The following ZNF782 variants were observed in gnomAD, a reference collection of about 807,000 sequenced individuals.
The protein encoded by ZNF782 is zinc finger protein 782.
Under a neutral mutation model 13.0 loss-of-function variants are expected in ZNF782, and 12 were observed. That is an observed-to-expected ratio of 0.92 (90% CI 0.59 to 1.50). ZNF782 has a LOEUF of 1.50. Ranked by LOEUF, ZNF782 falls within the 40% of genes most tolerant of loss-of-function variation. The probability of loss-of-function intolerance (pLI) is 0.00; values close to 1 mark genes in which losing one functional copy is unlikely to be tolerated. For synonymous variants in ZNF782, 284 were observed against 283.0 expected (o/e 1.00, Z -0.04); for missense variants, 770 against 822.9 (o/e 0.94, Z 0.79).
chr9:96,861,001 C>T (rs565909126), intron 2 of ZNF782, among the ~76,000 whole-genome samples: 17 of 152,264 alleles, frequency 1.1e-4, no homozygotes, highest in African/African-American at 4.1e-4. Context: ...AATCCCAGCA[C>T]TTTGGGAGGC....
intron 1 of ZNF782, among the ~76,000 whole-genome samples, chr9:96,866,464 G>T (rs1250198526): frequency 6.6e-6 from 1 of 152,226 alleles, no homozygotes; most frequent in African/African-American, 2.4e-5. Context: ...GATTTCAGAA[G>T]ATGTATGGAA....
upstream of ZNF782, among the ~76,000 whole-genome samples, chr9:96,876,932 G>A (rs1304710988): frequency 3.9e-5 from 4 of 101,960 alleles, no homozygotes. Flanking sequence ...CTTGAACTCG[G>A]AACTCCGACT....
chr9:96,911,706 G>A, the ZNF782 span, among the ~76,000 whole-genome samples: 1 of 151,116 alleles, frequency 6.6e-6, no homozygotes. Flanking sequence ...ATTTTTAGTA[G>A]AGACGGGGTT....
upstream of ZNF782, among the ~76,000 whole-genome samples, chr9:96,879,324 T>TA (rs35770021): frequency 0.028 from 4,322 of 152,042 alleles, 224 homozygotes; most frequent in African/African-American, 0.099. Context: ...CTGTCTCCAC[T>TA]AAAAAAACAA....
intron 3 of ZNF782, among the ~76,000 whole-genome samples, chr9:96,848,376 TGCTG>T (rs1462996710): frequency 5.3e-5 from 8 of 152,174 alleles, no homozygotes. Context: ...GTCAAACTAC[TGCTG>T]TTTGTAGATG....
At chr9:96,863,925 T>A (rs1211821129) in intron 1 of ZNF782, among the ~76,000 whole-genome samples, 4 of 151,970 alleles carry the variant, frequency 2.6e-5, no homozygotes. Context: ...ACTGCTCAGG[T>A]GGTAGGTGCA....
chr9:96,832,322 T>C (rs1039719496), intron 4 of ZNF782, among the ~76,000 whole-genome samples: 3 of 152,180 alleles, frequency 2.0e-5, no homozygotes, highest in African/African-American at 4.8e-5. Context: ...TCTATATACA[T>C]TGAGAAGCAC....
chr9:96,885,487 G>A, the ZNF782 span, among the ~76,000 whole-genome samples: 3 of 152,134 alleles, frequency 2.0e-5, no homozygotes, highest in Non-Finnish European at 4.4e-5. Flanking sequence ...ATTACAGCAT[G>A]TCAGGGATCT....
intron 4 of ZNF782, among the ~76,000 whole-genome samples, chr9:96,839,166 G>GT (rs1357269650): frequency 1.3e-5 from 2 of 151,074 alleles, no homozygotes; most frequent in Admixed American, 6.6e-5. Context: ...GAGAGCTGCA[G>GT]TTTTTTTCCA....
chr9:96,925,350 GAGT>G, the ZNF782 span, among the ~76,000 whole-genome samples: 2 of 151,880 alleles, frequency 1.3e-5, no homozygotes, highest in Non-Finnish European at 2.9e-5. Context: ...AGAAACGAGA[GAGT>G]CTGACCGGGC....
At chr9:96,864,100 T>C (rs993957518) in intron 1 of ZNF782, among the ~76,000 whole-genome samples, 6 of 148,800 alleles carry the variant, frequency 4.0e-5, no homozygotes, top group Non-Finnish European at 7.4e-5. Context: ...TTTGTTTATA[T>C]ATAAATATAT....
chr9:96,920,571 C>T, the ZNF782 span, among the ~76,000 whole-genome samples: 1 of 148,684 alleles, frequency 6.7e-6, no homozygotes, highest in Non-Finnish European at 1.5e-5. Flanking sequence ...CAGCCCAAAA[C>T]CATTTTTAAA....
At chr9:96,909,672 T>C in the ZNF782 span, among the ~76,000 whole-genome samples, 2 of 151,950 alleles carry the variant, frequency 1.3e-5, no homozygotes, top group African/African-American at 4.8e-5. Flanking sequence ...GAGAAAAGTT[T>C]ATACTGACTA....
rs777348972 is a variant in ZNF782, at chr9:96,818,769, T to G, written c.1254A>C (p.Gly418=). 12 of 1,612,922 alleles carry G rather than the reference T, an allele frequency of 7.4e-6. No homozygotes were observed. In the South Asian group the frequency reaches 1.3e-4, roughly 18 times the overall value. The change falls in exon 6 of 6, where the codon GGA becomes GGC. Residue 418 remains glycine, a synonymous_variant. Transcript: ENST00000481138. ...RLRKHQRTHT[G]EKPYKCDGCD... ...ATCCATCACATTTGTATGGTTTCTC[T>G]CCCGTGTGAGTTCTCTGATGTTTTC... is the stretch of plus-strand genomic sequence containing the variant.
chr9:96,825,354 T>C (rs1162599423), intron 5 of ZNF782, among the ~76,000 whole-genome samples: 18 of 150,804 alleles, frequency 1.2e-4, no homozygotes, highest in South Asian at 4.2e-4. Flanking sequence ...GCTAGCCATA[T>C]GTAGAAAGCT....
upstream of ZNF782, among the ~76,000 whole-genome samples, chr9:96,854,902 T>A (rs1851618562): frequency 6.7e-6 from 1 of 149,280 alleles, no homozygotes; most frequent in South Asian, 2.2e-4. Flanking sequence ...AATTAAGAAT[T>A]TTGTAGAAAT....
the ZNF782 span, among the ~76,000 whole-genome samples, chr9:96,911,131 G>GAA: frequency 5.2e-5 from 7 of 134,756 alleles, no homozygotes; most frequent in African/African-American, 1.9e-4. Flanking sequence ...CTCAAAGGAG[G>GAA]AAAAAAAAAA....
intron 4 of ZNF782, among the ~76,000 whole-genome samples, chr9:96,840,849 A>G (rs890204648): frequency 2.0e-5 from 3 of 152,084 alleles, no homozygotes; most frequent in African/African-American, 7.2e-5. Flanking sequence ...TCACATTAAA[A>G]AGCTAGACAA....
chr9:96,887,722 T>C, the ZNF782 span: 1 of 152,192 alleles, frequency 6.6e-6, no homozygotes, highest in Non-Finnish European at 1.5e-5. Context: ...TGCACACGTA[T>C]GTTTATTGCA....
Sources: gnomAD v4.1 joint callset for allele counts (sites outside exome capture counted in the v4.1 genomes callset) on GRCh38, gnomAD v4.1.1 for gene constraint, MANE v1.5 for transcripts, NCBI Gene and HGNC (gene_info 2026-07-23, HGNC 2026-07-21) for gene names.